ASPHD2: variants seen among roughly 807,000 people sequenced by gnomAD.
ASPHD2 encodes the protein aspartate beta-hydroxylase domain-containing protein 2.
ASPHD2 carries 12 observed loss-of-function variants against 34.6 expected under a neutral mutation model. The ratio of observed to expected loss-of-function variants is 0.35; its 90% confidence interval spans 0.22 to 0.56. The LOEUF (loss-of-function observed/expected upper bound fraction) is 0.56. ASPHD2 is among the 20% of genes least tolerant of loss of function. The pLI, the probability that ASPHD2 is intolerant of heterozygous loss-of-function variation, is 0.87. For synonymous variants in ASPHD2, 224 were observed against 212.2 expected, an observed-to-expected ratio of 1.06 and a Z score of -0.48; for missense variants, 375 against 505.0, an observed-to-expected ratio of 0.74 and a Z score of 2.47.
intron 1 of ASPHD2, among the ~76,000 whole-genome samples, chr22:26,431,714 C>T (rs551341435): frequency 2.6e-5 from 4 of 152,244 alleles, no homozygotes; most frequent in African/African-American, 4.8e-5. Flanking sequence ...GTTGGAATTC[C>T]GAGTCTTGCT....
intron 2 of ASPHD2, among the ~76,000 whole-genome samples, chr22:26,438,654 T>TAC (rs1568984159): frequency 8.7e-6 from 1 of 115,594 alleles, no homozygotes; most frequent in Non-Finnish European, 1.9e-5. Context: ...TACACATACA[T>TAC]ATATATATAT....
chr22:26,440,276 C>T (rs1484622385), intron 2 of ASPHD2, among the ~76,000 whole-genome samples: 1 of 151,966 alleles, frequency 6.6e-6, no homozygotes, highest in Admixed American at 6.6e-5. Context: ...CCCCACTGGC[C>T]GGTTGAAGCA....
At chr22:26,430,075 C>T (rs533642752) in intron 1 of ASPHD2, among the ~76,000 whole-genome samples, 1 of 152,300 alleles carries the variant, frequency 6.6e-6, no homozygotes, top group African/African-American at 2.4e-5. Flanking sequence ...TGCTGAGAAG[C>T]TGGCCAAGAG....
rs1474802448 is a variant in ASPHD2, at chr22:26,434,317, C to T, written c.702C>T (p.Val234=). The change falls in exon 2 of 4, where the codon GTC becomes GTT. Residue 234 remains valine, a synonymous_variant. Transcript: ENST00000215906. ...GGGAGTGGTTCACCTTTTACTTGGT[C>T]AATCAGGGGGTTTGTGTTCCCAGGA... ...PSGEWFTFYL[V]NQGVCVPRNC... The T allele has an allele frequency of 6.2e-7, 1 of 1,614,028 alleles. No individual in the cohort carries two copies.
At chr22:26,442,095 G>A (rs2084849225) in intron 2 of ASPHD2, among the ~76,000 whole-genome samples, 1 of 117,440 alleles carries the variant, frequency 8.5e-6, no homozygotes, top group Non-Finnish European at 1.7e-5. Flanking sequence ...AACAGAGAGA[G>A]ACTCCATTTC....
Position 26,434,206 on chromosome 22 carries a change from C to A in ASPHD2, c.591C>A (p.Thr197=). 6.2e-7 allele frequency: 1 copy of A among 1,613,866 alleles called. No individual in the cohort carries two copies. The highest frequency in any genetic ancestry group is 2.2e-5 in the East Asian group (1 of 44,880). Reference sequence around the variant, plus strand: ...AAGTGCTGGAACGGAACTTCCAGACCATCCTGTGTGAGTTTGAGACCCTCT... The same window carrying A: ...AAGTGCTGGAACGGAACTTCCAGACAATCCTGTGTGAGTTTGAGACCCTCT... ...DVEVLERNFQ[T]ILCEFETLYK... Residue 197 remains threonine, a synonymous_variant, in exon 2 of 4, where the codon ACC becomes ACA. Coordinates refer to ENST00000215906, the MANE Select transcript of ASPHD2 (RefSeq NM_020437.5).
rs2084888643 is a variant in ASPHD2 at position 26,444,262 on chromosome 22, A to T, written c.*1056A>T. The T allele has an allele frequency of 2.0e-5, 3 of 151,918 alleles. No homozygotes were observed. Among genetic ancestry groups the T allele is most frequent in the Non-Finnish European group, 2.9e-5 (2 of 67,994 alleles). The allele number at this position is 151,918 out of a possible 1,614,324, so 9.4% of individuals were successfully genotyped here. A position where few individuals can be genotyped will look rare whatever the true frequency, so the allele number is the denominator to read the frequency against. ...TTTTCATTTATTTGTCTGTACATAA[A>T]TGTTCAAACACTAGACTTGGAGATA... On this transcript the variant is annotated 3_prime_UTR_variant, in exon 4 of 4. Transcript: ENST00000215906.
chr22:26,439,741 G>T (rs1378685517), intron 2 of ASPHD2, among the ~76,000 whole-genome samples: 1 of 152,184 alleles, frequency 6.6e-6, no homozygotes. Flanking sequence ...CTCTTTACAG[G>T]TGAGGGTATG....
intron 1 of ASPHD2, among the ~76,000 whole-genome samples, chr22:26,430,213 C>A (rs533035278): frequency 6.6e-6 from 1 of 152,354 alleles, no homozygotes; most frequent in African/African-American, 2.4e-5. Context: ...TCCAGGGTGA[C>A]TTGGCCTCAT....
intron 2 of ASPHD2, among the ~76,000 whole-genome samples, chr22:26,438,662 T>TAC: frequency 8.0e-6 from 1 of 125,016 alleles, no homozygotes; most frequent in Non-Finnish European, 1.7e-5. Context: ...CATATATATA[T>TAC]ATACACATAC....
In ASPHD2 at chr22:26,434,369, C is replaced by T. The variant is rs2084777828; in HGVS notation, c.754C>T (p.Arg252Cys). Reference protein sequence around the residue: ...RNCRKCPRTYRLLGSLRTCIG... With the variant: ...RNCRKCPRTYCLLGSLRTCIG... ...CTGTAGGAAGTGCCCACGGACGTAC[C>T]GCTTGCTCGGAAGCCTTCGGACCTG... is the stretch of plus-strand genomic sequence containing the variant. Residue 252 changes from arginine (R) to cysteine (C), a missense_variant, in exon 2 of 4, where the codon CGC (arginine) becomes TGC (cysteine). Physicochemically the swap from Arg to Cys is radical, Grantham distance 180 (BLOSUM62 -3). Transcript: ENST00000215906. The T allele has an allele frequency of 3.1e-6, 5 of 1,614,054 alleles. No individual in the cohort carries two copies. The highest frequency in any genetic ancestry group is 1.3e-5 in the African/African-American group (1 of 74,922).
rs184759146 is a variant in ASPHD2 at position 26,442,464 on chromosome 22, A to C, written c.892A>C (p.Lys298Gln). 4.3e-4 allele frequency: 678 copies of C among 1,592,732 alleles called. 16 individuals are homozygous for C. In the East Asian group the frequency reaches 9.9e-3, roughly 23 times the overall value. The change falls in exon 3 of 4, where the codon AAA becomes CAA. Residue 298 changes from lysine (K) to glutamine (Q), a missense_variant. This residue lies in a region of ASPHD2 where 142 missense variants were observed against 217.9 expected (regional missense o/e 0.65). Coordinates refer to ENST00000215906, the MANE Select transcript of ASPHD2 (RefSeq NM_020437.5). ...NIRIRCHLGL[K>Q]TPNGCELVVG... ...TTCTCTGGTTTTCCTACAAGGTCTG[A>C]AAACTCCAAATGGCTGTGAGCTGGT...
chr22:26,438,664 TAC>T (rs1279396555), intron 2 of ASPHD2, among the ~76,000 whole-genome samples: 1,411 of 113,474 alleles, frequency 0.012, 23 homozygotes, highest in South Asian at 0.015. Context: ...TATATATATA[TAC>T]ACATACATAC....
intron 1 of ASPHD2, among the ~76,000 whole-genome samples, chr22:26,431,771 T>G (rs549223847): frequency 4.6e-5 from 7 of 152,254 alleles, no homozygotes; most frequent in African/African-American, 1.7e-4. Context: ...CTACTCATTA[T>G]GGGATGCCAC....
chr22:26,436,899 C>T (rs1008532885), intron 2 of ASPHD2, among the ~76,000 whole-genome samples: 3 of 152,008 alleles, frequency 2.0e-5, no homozygotes, highest in African/African-American at 7.2e-5. Flanking sequence ...ACACTGTGGC[C>T]TGTGGCCTGT....
intron 2 of ASPHD2, among the ~76,000 whole-genome samples, chr22:26,441,915 T>C (rs1205573338): frequency 1.1e-5 from 1 of 92,580 alleles, no homozygotes; most frequent in Non-Finnish European, 2.1e-5. Context: ...AGAGTGAGAC[T>C]CTGTCTCAAA....
intron 3 of ASPHD2, 59 bp from the exon 4 acceptor site, chr22:26,443,038 C>T: frequency 1.5e-6 from 2 of 1,299,646 alleles, no homozygotes; most frequent in Non-Finnish European, 2.2e-6. Flanking sequence ...CTGCCTGGAT[C>T]CTGGGTCCTG....
rs1171225616 is a variant in ASPHD2 at position 26,433,743 on chromosome 22, G to C, written c.128G>C (p.Arg43Thr). 2 of 1,613,710 alleles carry C rather than the reference G, an allele frequency of 1.2e-6. No homozygotes were observed. The highest frequency in any genetic ancestry group is 1.7e-6 in the Non-Finnish European group (2 of 1,180,020). ...TGGAGCTGGTCGCTGGATGGCCTGA[G>C]GGACTGCATCGCCACCGGCATCCAG... is the stretch of plus-strand genomic sequence containing the variant. ...VAWSWSLDGL[R>T]DCIATGIQSV... The change falls in exon 2 of 4, where the codon AGG becomes ACG. Residue 43 changes from arginine to threonine, a missense_variant. Physicochemically the swap from Arg to Thr is moderately conservative, Grantham distance 71. Around this residue, in one of 3 missense-constraint regions of ASPHD2, gnomAD observed 223 missense variants for 257.8 expected, o/e 0.87. Coordinates refer to ENST00000215906, the MANE Select transcript of ASPHD2 (RefSeq NM_020437.5). The surrounding 1 kb of genome is among the most constrained non-coding windows in gnomAD (Gnocchi z 5.1).
intron 1 of ASPHD2, among the ~76,000 whole-genome samples, chr22:26,432,068 G>A (rs957198344): frequency 1.3e-5 from 2 of 152,228 alleles, no homozygotes; most frequent in African/African-American, 4.8e-5. Context: ...GATGGCGCAT[G>A]CCTGTAATCC....
Sources: gnomAD v4.1 joint callset for allele counts (sites outside exome capture counted in the v4.1 genomes callset) on GRCh38, gnomAD v4.1.1 for gene constraint, gnomAD v4.1.1 regional missense constraint, Gnocchi (gnomAD v3.1) non-coding constraint, MANE v1.5 for transcripts, NCBI Gene and HGNC (gene_info 2026-07-23, HGNC 2026-07-21) for gene names.